OIP5: variants seen among roughly 807,000 people sequenced by gnomAD.
OIP5 encodes the protein protein Mis18-beta.
OIP5 carries 24 observed loss-of-function variants against 20.3 expected under a neutral mutation model. The observed-to-expected ratio is 1.18, with a 90% CI of 0.86 to 1.66. The LOEUF (loss-of-function observed/expected upper bound fraction) is 1.66. Ranked by LOEUF, OIP5 falls within the 40% of genes most tolerant of loss-of-function variation. The probability of loss-of-function intolerance (pLI) is 0.00; values close to 1 mark genes in which losing one functional copy is unlikely to be tolerated. For missense variants in OIP5, 339 were observed against 289.5 expected, an observed-to-expected ratio of 1.17 and a Z score of -1.24; for synonymous variants, 143 against 121.3, an observed-to-expected ratio of 1.18 and a Z score of -1.17.
At chr15:41,330,877 G>A (rs1337283001) in intron 2 of OIP5, among the ~76,000 whole-genome samples, 1 of 152,058 alleles carries the variant, frequency 6.6e-6, no homozygotes, top group African/African-American at 2.4e-5. Flanking sequence ...TCCTCTCCAA[G>A]AGCACATTCA....
chr15:41,314,015 C>T (rs935444108), intron 3 of OIP5, among the ~76,000 whole-genome samples: 3 of 152,132 alleles, frequency 2.0e-5, no homozygotes, highest in African/African-American at 7.2e-5. Context: ...AAGCTTTACA[C>T]TTCATCAGTA....
intron 3 of OIP5, among the ~76,000 whole-genome samples, chr15:41,316,479 C>A (rs1321491974): frequency 6.6e-6 from 1 of 151,920 alleles, no homozygotes; most frequent in Non-Finnish European, 1.5e-5. Context: ...CTAAAAACAT[C>A]TATCTAAGCA....
intron 1 of OIP5, 40 bp from the exon 2 acceptor site, chr15:41,332,021 G>T (rs745857917): frequency 5.7e-6 from 9 of 1,589,864 alleles, no homozygotes; most frequent in Non-Finnish European, 2.6e-6. Flanking sequence ...TACTCTGCGG[G>T]CCTTGAAATG....
intron 2 of OIP5, among the ~76,000 whole-genome samples, chr15:41,330,555 C>T (rs1255107795): frequency 6.6e-6 from 1 of 152,042 alleles, no homozygotes; most frequent in Non-Finnish European, 1.5e-5. Context: ...AGGCGCCCGC[C>T]ACTATGCCTG....
chr15:41,323,534 A>C (rs2047842888), intron 2 of OIP5, among the ~76,000 whole-genome samples: 2 of 152,168 alleles, frequency 1.3e-5, no homozygotes, highest in Admixed American at 1.3e-4. Context: ...GCAGTGGTAC[A>C]ATCACAGCTC....
chr15:41,328,979 T>C (rs920926564), intron 2 of OIP5, among the ~76,000 whole-genome samples: 2 of 138,480 alleles, frequency 1.4e-5, no homozygotes, highest in South Asian at 2.2e-4. Context: ...GGTAGGAGAA[T>C]AGCTTGAACC....
rs1355391322 is a variant in OIP5 at position 41,332,509 on chromosome 15, C to T, written c.53G>A (p.Gly18Glu). 6.2e-7 allele frequency: 1 copy of T among 1,613,746 alleles called. No individual in the cohort carries two copies. Among genetic ancestry groups the T allele is most frequent in the Non-Finnish European group, 8.5e-7 (1 of 1,179,852 alleles). The stretch of plus-strand genomic sequence containing the variant: ...CCTCTCAGTGCCACCACAAAAGTCC[C>T]CCCGGGGCGGCGTTGCACAACGTGA... ...HRSRCATPPRGDFCGGTERAI... is the reference protein window; with the variant it reads ...HRSRCATPPREDFCGGTERAI... Residue 18 changes from glycine (G) to glutamate (E), a missense_variant, in exon 1 of 5, where the codon GGG becomes GAG. Physicochemically the swap from Gly to Glu is moderately conservative, Grantham distance 98 (BLOSUM62 -2). Coordinates refer to ENST00000220514, the MANE Select transcript of OIP5 (RefSeq NM_007280.2).
intron 1 of OIP5, 114 bp from the exon 2 acceptor site, chr15:41,332,095 G>T: frequency 7.5e-7 from 1 of 1,338,854 alleles, no homozygotes. Flanking sequence ...CCGATTCCCT[G>T]CCCCATCCCC....
At chr15:41,319,500 C>T (rs1005743165) in intron 3 of OIP5, among the ~76,000 whole-genome samples, 158 bp downstream of exon 3, 1 of 152,020 alleles carries the variant, frequency 6.6e-6, no homozygotes, top group Non-Finnish European at 1.5e-5. Context: ...AGTGATCCAC[C>T]GCCTCAGCCT....
intron 2 of OIP5, among the ~76,000 whole-genome samples, chr15:41,321,852 C>T (rs1248739575): frequency 1.5e-4 from 22 of 150,842 alleles, no homozygotes; most frequent in East Asian, 9.7e-4. Context: ...ATCTGCTGAC[C>T]TTCCCTCCAC....
intron 3 of OIP5, among the ~76,000 whole-genome samples, chr15:41,316,493 G>A (rs201316455): frequency 2.0e-5 from 3 of 151,654 alleles, no homozygotes; most frequent in East Asian, 1.9e-4. Flanking sequence ...CTAAGCATAA[G>A]AAATGAGAAA....
chr15:41,327,490 A>G (rs963980956), intron 2 of OIP5, among the ~76,000 whole-genome samples: 1 of 151,534 alleles, frequency 6.6e-6, no homozygotes, highest in Non-Finnish European at 1.5e-5. Context: ...ATTGGGATAT[A>G]TCTTTAAAAA....
intron 2 of OIP5, among the ~76,000 whole-genome samples, chr15:41,321,139 TCGGGGAGGGAGGTGGGGGGTCAGCCCC>T (rs1370425673): frequency 8.7e-5 from 13 of 148,830 alleles, no homozygotes; most frequent in African/African-American, 3.2e-4. Context: ...AGCCACCCTG[TCGGGGAGGGAGGTGGGGGGTCAGCCCC>T]CCGCCCAGCC....
chr15:41,320,895 C>T (rs1180763727), intron 2 of OIP5, among the ~76,000 whole-genome samples: 1 of 150,786 alleles, frequency 6.6e-6, no homozygotes, highest in Non-Finnish European at 1.5e-5. Flanking sequence ...TCTGCCCGGC[C>T]TCCCATGGTC....
At chr15:41,319,366 G>A (rs1041944357) in intron 3 of OIP5, among the ~76,000 whole-genome samples, 11 of 151,226 alleles carry the variant, frequency 7.3e-5, no homozygotes, top group African/African-American at 1.2e-4. Context: ...AACAATTCTC[G>A]TGCCTCAGCC....
At chr15:41,331,737 G>A (rs532739946) in intron 2 of OIP5, among the ~76,000 whole-genome samples, 178 bp downstream of exon 2, 7 of 152,134 alleles carry the variant, frequency 4.6e-5, no homozygotes, top group African/African-American at 1.7e-4. Flanking sequence ...CCCTCAGGAA[G>A]ATCCTAAAAC....
intron 2 of OIP5, among the ~76,000 whole-genome samples, chr15:41,330,434 G>A (rs1005738017): frequency 3.0e-5 from 4 of 133,260 alleles, no homozygotes; most frequent in African/African-American, 8.3e-5. Flanking sequence ...TTTTTGATAC[G>A]GAGTCTGTCG....
intron 2 of OIP5, among the ~76,000 whole-genome samples, chr15:41,330,318 C>A (rs1207945418): frequency 6.6e-6 from 1 of 151,582 alleles, no homozygotes; most frequent in East Asian, 1.9e-4. Flanking sequence ...AGGCTGGTCT[C>A]GAACTCCCGA....
chr15:41,319,830 GAAAT>G lies in OIP5; in HGVS notation c.390-54_390-51del, dbSNP rs759379094. 5 of 1,497,614 alleles carry G rather than the reference GAAAT, an allele frequency of 3.3e-6. No individual in the cohort carries two copies. In the African/African-American group the frequency reaches 7.1e-5, roughly 21 times the overall value. The allele number at this position is 1,497,614 out of a possible 1,614,324, so 92.8% of individuals were successfully genotyped here. A position where few individuals can be genotyped will look rare whatever the true frequency, so the allele number is the denominator to read the frequency against. On this transcript the variant is annotated intron_variant, in intron 2 of 4. Transcript: ENST00000220514. ...TGGGTAAGAATAAAAAATCATATAA[GAAAT>G]AAAAAATAACTAGTCTCTGAAGCAT...
Sources: allele counts gnomAD v4.1 joint callset (sites outside exome capture counted in the v4.1 genomes callset), GRCh38; gene constraint gnomAD v4.1.1; transcripts MANE v1.5; gene names NCBI Gene and HGNC (gene_info 2026-07-23, HGNC 2026-07-21).